DPYSL2: variants seen among roughly 807,000 people sequenced by gnomAD.
DPYSL2 encodes the protein dihydropyrimidinase-related protein 2.
A neutral mutation model predicts 69.9 loss-of-function variants in DPYSL2; 13 were observed. The observed-to-expected ratio is 0.19, with a 90% CI of 0.12 to 0.30. The LOEUF (loss-of-function observed/expected upper bound fraction) is 0.30. Ranked by LOEUF, DPYSL2 falls within the 10% of genes least tolerant of loss-of-function variation. DPYSL2 has a pLI of 1.00. For synonymous variants in DPYSL2, 326 were observed against 359.1 expected (o/e 0.91, Z 1.04); for missense variants, 587 against 918.9 (o/e 0.64, Z 4.67).
chr8:26,567,355 C>CCCATCCAT lies in DPYSL2; in HGVS notation c.355-14604_355-14597dup, dbSNP rs369652545. 2.1e-3 allele frequency among the ~76,000 whole-genome samples: 309 copies of CCCATCCAT among 149,950 alleles called. 1 individual carries two copies. The highest frequency in any genetic ancestry group is 7.3e-3 in the African/African-American group (298 of 40,552). Reference sequence around the variant, plus strand: ...ATATGAACATACATACATACATCTGCCCATCCATCCATCCATCTGCCCACC... The same window carrying CCCATCCAT: ...ATATGAACATACATACATACATCTGCCCATCCATCCATCCATCCATCCATCTGCCCACC... On this transcript the variant is annotated intron_variant, in intron 1 of 13. Transcript: ENST00000521913.
intron 1 of DPYSL2, among the ~76,000 whole-genome samples, chr8:26,529,104 C>T (rs955373034): frequency 1.3e-5 from 2 of 152,086 alleles, no homozygotes; most frequent in African/African-American, 2.4e-5. Flanking sequence ...TCTCCAGGAT[C>T]GGCAAGGCCC....
In DPYSL2 at chr8:26,514,646, G is replaced by C; in HGVS notation, c.321G>C (p.Ser107=). 8 of 1,457,058 alleles carry C rather than the reference G, an allele frequency of 5.5e-6. No homozygotes were observed. The South Asian group carries it at 9.8e-5, about 18-fold the overall frequency. The allele number at this position is 1,457,058 out of a possible 1,614,324, so 90.3% of individuals were successfully genotyped here. Residue 107 remains serine, a synonymous_variant, in exon 1 of 14, where the codon TCG becomes TCC. Transcript: ENST00000521913. The surrounding 1 kb of genome is among the most constrained non-coding windows in gnomAD (Gnocchi z 8.4). ...SGRKVEIRRA[S]GKEALQNIND... is the part of the protein sequence containing the mutation. The stretch of plus-strand genomic sequence containing the variant: ...GGAAGGTGGAGATCCGGAGGGCCTC[G>C]GGCAAAGAAGCCCTGCAGAACATCA...
chr8:26,574,091 T>TA, intron 1 of DPYSL2, among the ~76,000 whole-genome samples: 1 of 152,138 alleles, frequency 6.6e-6, no homozygotes, highest in Admixed American at 6.5e-5. Context: ...TGCAAGTCAT[T>TA]ATAGAGTGAT....
Position 26,644,160 on chromosome 8 carries a change from G to A in DPYSL2, c.1425+69G>A. Reference sequence around the variant, plus strand: ...TTGTCCTCCTCATCTGGGGGCCATGGGGCTCATGGAGGCCTTGAAATGACA... The same window carrying A: ...TTGTCCTCCTCATCTGGGGGCCATGAGGCTCATGGAGGCCTTGAAATGACA... On this transcript the variant is annotated intron_variant, in intron 10 of 13. Coordinates refer to ENST00000521913, the MANE Select transcript of DPYSL2 (RefSeq NM_001197293.3). The surrounding 1 kb of genome is among the most constrained non-coding windows in gnomAD (Gnocchi z 4.5). 3 of 1,560,496 alleles carry A rather than the reference G, an allele frequency of 1.9e-6. No homozygotes were observed. Among genetic ancestry groups the A allele is most frequent in the Non-Finnish European group, 8.7e-7 (1 of 1,151,376 alleles).
rs965498266 is a variant in DPYSL2, at chr8:26,621,411, C to T, written c.629-2732C>T. ...CAGTGTTGAGGGGAGGGGTCTTTGC[C>T]GCAGCAAAAGCTGGTCCGGTTCCCA... On this transcript the variant is annotated intron_variant, in intron 3 of 13. Coordinates refer to ENST00000521913, the MANE Select transcript of DPYSL2 (RefSeq NM_001197293.3). The surrounding 1 kb of genome is among the most constrained non-coding windows in gnomAD (Gnocchi z 4.9). Among the ~76,000 whole-genome samples the T allele has an allele frequency of 5.9e-5, 9 of 152,122 alleles. No homozygotes were observed. The highest frequency in any genetic ancestry group is 1.7e-4 in the African/African-American group (7 of 41,418).
chr8:26,634,028 C>G (rs903055691), intron 7 of DPYSL2, among the ~76,000 whole-genome samples: 1 of 152,228 alleles, frequency 6.6e-6, no homozygotes, highest in African/African-American at 2.4e-5. Flanking sequence ...TGACTCAAGA[C>G]CCTGGGAGCA....
intron 1 of DPYSL2, among the ~76,000 whole-genome samples, chr8:26,569,926 C>A (rs562671000): frequency 6.6e-6 from 1 of 152,058 alleles, no homozygotes; most frequent in Non-Finnish European, 1.5e-5. Flanking sequence ...TAAGATCAGT[C>A]GGGCGCGGTG....
chr8:26,521,904 C>T (rs75060771), intron 1 of DPYSL2, among the ~76,000 whole-genome samples: 351 of 152,208 alleles, frequency 2.3e-3, no homozygotes, highest in African/African-American at 8.4e-3. Context: ...TTGTATGTAT[C>T]CTATTCATTA....
intron 1 of DPYSL2, among the ~76,000 whole-genome samples, chr8:26,515,675 A>G (rs1275186144): frequency 6.6e-6 from 1 of 152,254 alleles, no homozygotes; most frequent in Admixed American, 6.5e-5. Context: ...ACACTAGTGT[A>G]ATTCTTTTCC....
At position 26,619,786 on chromosome 8, in the gene DPYSL2, G is replaced by A. The variant is rs1354977409; in HGVS notation, c.629-4357G>A. 1 of 152,266 alleles carries A rather than the reference G, an allele frequency of 6.6e-6. No individual in the cohort carries two copies. The highest frequency in any genetic ancestry group is 1.9e-4 in the East Asian group (1 of 5,180). 9.4% of individuals were successfully genotyped at this position (152,266 alleles called of 1,614,324 possible). A position where few individuals can be genotyped will look rare whatever the true frequency, so the allele number is the denominator to read the frequency against. ...GCCCAGGCTGGTCTTGAACTCCTGG[G>A]CTCTAGTGTTCCTCTTGCTTCAGCC... On this transcript the variant is annotated intron_variant, in intron 3 of 13. Coordinates refer to ENST00000521913, the MANE Select transcript of DPYSL2 (RefSeq NM_001197293.3). This position sits in a 1 kb window ranked among gnomAD's most constrained non-coding sequence, Gnocchi z 4.8.
chr8:26,543,066 A>T (rs867978119), intron 1 of DPYSL2, among the ~76,000 whole-genome samples: 26 of 152,346 alleles, frequency 1.7e-4, no homozygotes, highest in Middle Eastern at 3.4e-3. Context: ...AAAAATGGCA[A>T]CGCTCCTCTA....
rs148590465 is a variant in DPYSL2, at chr8:26,571,496, T to C, written c.355-10473T>C. Among the ~76,000 whole-genome samples the C allele has an allele frequency of 5.1e-3, 775 of 152,244 alleles. 6 individuals are homozygous for C. The highest frequency in any genetic ancestry group is 8.9e-3 in the Non-Finnish European group (604 of 68,000). Reference sequence around the variant, plus strand: ...GGATAGAAAGACCCCAGGGAACATCTGTAGCCACCCAGAGAATGAGGTGCA... The same window carrying C: ...GGATAGAAAGACCCCAGGGAACATCCGTAGCCACCCAGAGAATGAGGTGCA... On this transcript the variant is annotated intron_variant, in intron 1 of 13. Coordinates refer to ENST00000521913, the MANE Select transcript of DPYSL2 (RefSeq NM_001197293.3). This position sits in a 1 kb window ranked among gnomAD's most constrained non-coding sequence, Gnocchi z 6.1.
In DPYSL2 at chr8:26,620,738, TCAC is replaced by T. The variant is rs1329088263; in HGVS notation, c.629-3402_629-3400del. On this transcript the variant is annotated intron_variant, in intron 3 of 13. Transcript: ENST00000521913. The surrounding 1 kb of genome is among the most constrained non-coding windows in gnomAD (Gnocchi z 4.5). ...AACTATGAGCATGTGGGTCTTAGTG[TCAC>T]CAGTACTTATCCTTCTTCTTAGGAG... Among the ~76,000 whole-genome samples, 4 of 152,246 alleles carry T rather than the reference TCAC, an allele frequency of 2.6e-5. No homozygotes were observed. The highest frequency in any genetic ancestry group is 7.2e-5 in the African/African-American group (3 of 41,472).
chr8:26,531,633 T>C (rs1052380092), intron 1 of DPYSL2, among the ~76,000 whole-genome samples: 10 of 152,220 alleles, frequency 6.6e-5, no homozygotes, highest in African/African-American at 1.7e-4. Flanking sequence ...TTCCACAGCA[T>C]TGTTCACACT....
chr8:26,602,776 C>G (rs1337294488), intron 3 of DPYSL2, among the ~76,000 whole-genome samples: 1 of 152,180 alleles, frequency 6.6e-6, no homozygotes, highest in Non-Finnish European at 1.5e-5. Context: ...AACTTCTTGT[C>G]TATTGGGAAG....
At chr8:26,525,292 T>C (rs13281577) in intron 1 of DPYSL2, among the ~76,000 whole-genome samples, 79,831 of 152,056 alleles carry the variant, frequency 0.53, 22,006 homozygotes, top group East Asian at 0.72. Flanking sequence ...TCATCATAAG[T>C]TCACTGCAGC....
At chr8:26,557,787 A>AAAACAAAC (rs369417683) in intron 1 of DPYSL2, among the ~76,000 whole-genome samples, 3 of 151,740 alleles carry the variant, frequency 2.0e-5, no homozygotes, top group East Asian at 2.0e-4. Flanking sequence ...GACTTTTTCT[A>AAAACAAAC]AAACAAACAA....
rs904669968 is a variant in DPYSL2, at chr8:26,514,270, T to G, written c.-56T>G. 13 of 1,389,286 alleles carry G rather than the reference T, an allele frequency of 9.4e-6. No individual in the cohort carries two copies. The highest frequency in any genetic ancestry group is 1.2e-5 in the Non-Finnish European group (13 of 1,064,782). 86.1% of individuals were successfully genotyped at this position (1,389,286 alleles called of 1,614,324 possible). On this transcript the variant is annotated 5_prime_UTR_variant, in exon 1 of 14. Transcript: ENST00000521913. This position sits in a 1 kb window ranked among gnomAD's most constrained non-coding sequence, Gnocchi z 8.4. ...GCTTGTGCACACAGCGAGGGAGACT[T>G]AGGGACTGGCAGACGGACGGACGGA...
At chr8:26,645,559 C>CATTT (rs765686825) in intron 10 of DPYSL2, among the ~76,000 whole-genome samples, 3 of 152,064 alleles carry the variant, frequency 2.0e-5, no homozygotes, top group African/African-American at 7.2e-5. Flanking sequence ...AACTGGGACT[C>CATTT]ATTTATTTAT....
Sources: allele counts gnomAD v4.1 joint callset (sites outside exome capture counted in the v4.1 genomes callset), GRCh38; gene constraint gnomAD v4.1.1; non-coding constraint Gnocchi (gnomAD v3.1); transcripts MANE v1.5; gene names NCBI Gene and HGNC (gene_info 2026-07-23, HGNC 2026-07-21).